The following SORCS2 variants were observed in gnomAD, a reference collection of about 807,000 sequenced individuals.
The protein encoded by SORCS2 is VPS10 domain-containing receptor SorCS2.
In SORCS2, 100 loss-of-function variants were observed where a neutral mutation model predicts 141.6. The observed-to-expected ratio is 0.71, with a 90% confidence interval of 0.60 to 0.83. The LOEUF is 0.83. Ranked by LOEUF, SORCS2 falls within the 40% of genes least tolerant of loss-of-function variation. The pLI, the probability that SORCS2 is intolerant of heterozygous loss-of-function variation, is 0.00. For missense variants in SORCS2, 1,646 were observed against 1,560.2 expected (o/e 1.05, Z -0.93); for synonymous variants, 789 against 676.9 (o/e 1.17, Z -2.57).
chr4:7,356,655 G>A (rs1299014664), intron 1 of SORCS2, among the ~76,000 whole-genome samples: 1 of 152,202 alleles, frequency 6.6e-6, no homozygotes, highest in Non-Finnish European at 1.5e-5. Flanking sequence ...ATTTCAACAT[G>A]TGGATTTGGG....
intron 3 of SORCS2, among the ~76,000 whole-genome samples, chr4:7,597,613 C>A (rs1255968389): frequency 2.8e-5 from 3 of 106,618 alleles, no homozygotes; most frequent in African/African-American, 1.1e-4. Flanking sequence ...GCAACTGGGG[C>A]AGGTGGTTAT....
intron 2 of SORCS2, among the ~76,000 whole-genome samples, chr4:7,511,439 G>GACACACACACAC (rs138336126): frequency 1.6e-5 from 2 of 128,746 alleles, no homozygotes; most frequent in Non-Finnish European, 3.2e-5. Flanking sequence ...GGGTTGGGGA[G>GACACACACACAC]ACACACACAC....
rs1193050543 is a variant in SORCS2 at position 7,337,384 on chromosome 4, C to T, written c.481-58904C>T. Among the ~76,000 whole-genome samples the T allele has an allele frequency of 4.6e-5, 7 of 152,084 alleles. No homozygotes were observed. In the East Asian group the frequency reaches 1.2e-3, roughly 25 times the overall value. On this transcript the variant is annotated intron_variant, in intron 1 of 26. Transcript: ENST00000507866. Reference sequence around the variant, plus strand: ...GGGCAGGAGTGGTCAGGCTTCATGCCGGGAGAAGGTGCCCGCACTGGATCA... The same window carrying T: ...GGGCAGGAGTGGTCAGGCTTCATGCTGGGAGAAGGTGCCCGCACTGGATCA...
In SORCS2 at chr4:7,448,268, G is replaced by A. The variant is rs541830989; in HGVS notation, c.548+51913G>A. ...GTGGAACTGCGGCGCAGGGCAAGGGGCATCTCCCACGTCACCCAGTGTGGC... is the reference window on the plus strand; with the variant it reads ...GTGGAACTGCGGCGCAGGGCAAGGGACATCTCCCACGTCACCCAGTGTGGC... On this transcript the variant is annotated intron_variant, in intron 2 of 26. Coordinates refer to ENST00000507866, the MANE Select transcript of SORCS2 (RefSeq NM_020777.3). 2.6e-5 allele frequency among the ~76,000 whole-genome samples: 4 copies of A among 152,222 alleles called. No individual in the cohort carries two copies. In the South Asian group the frequency reaches 8.3e-4, roughly 32 times the overall value.
intron 1 of SORCS2, among the ~76,000 whole-genome samples, chr4:7,385,751 C>G (rs1418984804): frequency 6.6e-6 from 1 of 152,222 alleles, no homozygotes; most frequent in African/African-American, 2.4e-5. Flanking sequence ...GGGTATAACA[C>G]TGATCCAACC....
chr4:7,506,359 G>GA (rs1333957769), intron 2 of SORCS2, among the ~76,000 whole-genome samples: 1 of 152,142 alleles, frequency 6.6e-6, no homozygotes, highest in Non-Finnish European at 1.5e-5. Flanking sequence ...TCCATTGGGG[G>GA]AAAAAATAAC....
chr4:7,466,848 T>A (rs371450500), intron 2 of SORCS2, among the ~76,000 whole-genome samples: 13 of 152,196 alleles, frequency 8.5e-5, no homozygotes, highest in African/African-American at 3.1e-4. Context: ...GGAACCTGGT[T>A]GGACGCTGTC....
At chr4:7,270,575 T>C (rs1715055911) in intron 1 of SORCS2, among the ~76,000 whole-genome samples, 1 of 152,252 alleles carries the variant, frequency 6.6e-6, no homozygotes, top group South Asian at 2.1e-4. Context: ...AAGTCATGTC[T>C]GGGGACTAAT....
chr4:7,330,740 C>T (rs924442628), intron 1 of SORCS2, among the ~76,000 whole-genome samples: 1 of 152,084 alleles, frequency 6.6e-6, no homozygotes, highest in Non-Finnish European at 1.5e-5. Context: ...TCTACCTTTG[C>T]TCAGGTGATC....
At chr4:7,367,760 T>A (rs758698865) in intron 1 of SORCS2, among the ~76,000 whole-genome samples, 10 of 152,212 alleles carry the variant, frequency 6.6e-5, no homozygotes, top group Non-Finnish European at 1.3e-4. Context: ...GCAGTTTATT[T>A]TTAAATAAAC....
At chr4:7,384,632 T>TC (rs1311389419) in intron 1 of SORCS2, among the ~76,000 whole-genome samples, 1 of 152,240 alleles carries the variant, frequency 6.6e-6, no homozygotes, top group Non-Finnish European at 1.5e-5. Context: ...CAGCTGAACG[T>TC]CCGGCTCCAC....
At position 7,731,038 on chromosome 4, in the gene SORCS2, G is replaced by A. The variant is rs1577132756; in HGVS notation, c.3108+1326G>A. Among the ~76,000 whole-genome samples the A allele has an allele frequency of 2.0e-5, 3 of 152,228 alleles. No individual in the cohort carries two copies. In the East Asian group the frequency reaches 5.8e-4, roughly 29 times the overall value. On this transcript the variant is annotated intron_variant, in intron 23 of 26. Coordinates refer to ENST00000507866, the MANE Select transcript of SORCS2 (RefSeq NM_020777.3). ...GTGCCACGTCCCATTTTACAGACAT[G>A]AGAAGTGAGGCTTGGCGAGGGCCAC...
intron 3 of SORCS2, among the ~76,000 whole-genome samples, chr4:7,603,456 C>G (rs958922518): frequency 2.6e-5 from 4 of 152,182 alleles, no homozygotes; most frequent in Non-Finnish European, 5.9e-5. Context: ...CCATATCACT[C>G]AAGAATTCTC....
chr4:7,531,785 C>T (rs552496251), intron 3 of SORCS2, among the ~76,000 whole-genome samples, 156 bp downstream of exon 3: 4 of 152,378 alleles, frequency 2.6e-5, no homozygotes, highest in Non-Finnish European at 4.4e-5. Context: ...CCACCCTTCC[C>T]GGTGCTACCT....
At chr4:7,621,972 G>GAGTT (rs975642087) in intron 3 of SORCS2, among the ~76,000 whole-genome samples, 2 of 152,178 alleles carry the variant, frequency 1.3e-5, no homozygotes, top group African/African-American at 4.8e-5. Flanking sequence ...ACAGCGCTGT[G>GAGTT]AGTTATTAAT....
intron 2 of SORCS2, among the ~76,000 whole-genome samples, chr4:7,483,369 T>C (rs1459667080): frequency 6.8e-6 from 1 of 147,284 alleles, no homozygotes; most frequent in African/African-American, 2.5e-5. Context: ...ACGTGACGGA[T>C]GAAGTGGGCA....
At chr4:7,650,907 C>T (rs751276708) in intron 4 of SORCS2, among the ~76,000 whole-genome samples, 2 of 152,158 alleles carry the variant, frequency 1.3e-5, no homozygotes, top group Non-Finnish European at 2.9e-5. Context: ...TATGATGCTT[C>T]TGGGGTGCAA....
At chr4:7,596,094 C>G (rs1038802920) in intron 3 of SORCS2, among the ~76,000 whole-genome samples, 23 of 152,240 alleles carry the variant, frequency 1.5e-4, no homozygotes, top group African/African-American at 5.5e-4. Flanking sequence ...ACTCAGCATC[C>G]TGTTGTGTCT....
At chr4:7,613,335 C>T (rs1040773620) in intron 3 of SORCS2, among the ~76,000 whole-genome samples, 3 of 152,204 alleles carry the variant, frequency 2.0e-5, no homozygotes, top group Non-Finnish European at 4.4e-5. Flanking sequence ...GAGGAAGAGT[C>T]GCGGGCGCTG....
Sources: gnomAD v4.1 joint callset for allele counts (sites outside exome capture counted in the v4.1 genomes callset) on GRCh38, gnomAD v4.1.1 for gene constraint, MANE v1.5 for transcripts, NCBI Gene and HGNC (gene_info 2026-07-23, HGNC 2026-07-21) for gene names.